NOBOX: variants seen among roughly 807,000 people sequenced by gnomAD.
NOBOX encodes NOBOX oogenesis homeobox, also known as homeobox protein NOBOX.
Under a neutral mutation model 60.2 loss-of-function variants are expected in NOBOX, and 46 were observed. That is an observed-to-expected ratio of 0.76 (90% CI 0.60 to 0.98). The LOEUF is 0.98. Ranked by LOEUF, NOBOX falls within the 50% of genes least tolerant of loss-of-function variation. The pLI is 0.00. For synonymous variants in NOBOX, 360 were observed against 346.3 expected (o/e 1.04, Z -0.44); for missense variants, 880 against 865.5 (o/e 1.02, Z -0.21).
chr7:144,402,589 T>G (rs1266246372), intron 2 of NOBOX, among the ~76,000 whole-genome samples: 1 of 151,966 alleles, frequency 6.6e-6, no homozygotes, highest in Non-Finnish European at 1.5e-5. Flanking sequence ...TCCCCCCACT[T>G]TCACCTCCCA....
rs773878182 is a variant in NOBOX, at chr7:144,397,391, G to C, written c.1925C>G (p.Ser642Trp). Residue 642 changes from serine to tryptophan, a missense_variant, in exon 10 of 10, where the codon TCG (serine) becomes TGG (tryptophan). Transcript: ENST00000467773. The stretch of plus-strand genomic sequence containing the variant: ...TTCAGGCATCCATGAGAGAGCTGAC[G>C]AAGGCTGCCTGCCCAGAGCCTGGGG... 6.5e-7 allele frequency: 1 copy of C among 1,537,146 alleles called. No individual in the cohort carries two copies. Among genetic ancestry groups the C allele is most frequent in the African/African-American group, 1.4e-5 (1 of 73,040 alleles).
chr7:144,403,049 G>A (rs557884970), intron 2 of NOBOX, among the ~76,000 whole-genome samples: 1 of 152,248 alleles, frequency 6.6e-6, no homozygotes, highest in Non-Finnish European at 1.5e-5. Flanking sequence ...GAGCCACTGC[G>A]CCTGACCCTA....
rs528754192 is a variant in NOBOX, at chr7:144,401,540, C to T, written c.350G>A (p.Arg117Gln). The T allele has an allele frequency of 1.6e-5, 24 of 1,514,642 alleles. No homozygotes were observed. The East Asian group carries it at 2.7e-4, about 17-fold the overall frequency. The allele number at this position is 1,514,642 out of a possible 1,614,324, so 93.8% of individuals were successfully genotyped here. The change falls in exon 4 of 10, where the codon CGG (arginine) becomes CAG (glutamine). Residue 117 changes from arginine to glutamine, a missense_variant. Arg to Gln is a conservative substitution (Grantham distance 43). Coordinates refer to ENST00000467773, the MANE Select transcript of NOBOX (RefSeq NM_001080413.3). The surrounding 1 kb of genome is among the most constrained non-coding windows in gnomAD (Gnocchi z 4.2). ...GTCCTGAGCATGAGGGGCTGAGCCC[C>T]GGAGCAGTTCCTCCTCCCCGGGTCC...
chr7:144,402,001 T>G, intron 2 of NOBOX: 1 of 1,379,548 alleles, frequency 7.2e-7, no homozygotes, highest in Non-Finnish European at 1.0e-6. Flanking sequence ...GAGATTCTGC[T>G]TCTCCCAAGG....
chr7:144,407,166 A>AT (rs1400501005), intron 1 of NOBOX, among the ~76,000 whole-genome samples: 3 of 151,932 alleles, frequency 2.0e-5, no homozygotes, highest in Non-Finnish European at 4.4e-5. Context: ...AAAGTAGTTA[A>AT]TTTTTTTCAG....
At chr7:144,408,992 G>A (rs985367047) in intron 1 of NOBOX, among the ~76,000 whole-genome samples, 6 of 152,134 alleles carry the variant, frequency 3.9e-5, no homozygotes, top group African/African-American at 1.4e-4. Flanking sequence ...TATTGTACTG[G>A]CGTGACAGAA....
At chr7:144,397,858 T>G (rs1206157112) in intron 9 of NOBOX, among the ~76,000 whole-genome samples, 2 of 152,158 alleles carry the variant, frequency 1.3e-5, no homozygotes, top group Non-Finnish European at 2.9e-5. Context: ...AGTCTTAATA[T>G]GACAGATGTT....
chr7:144,405,856 G>A (rs923760040), intron 1 of NOBOX, among the ~76,000 whole-genome samples: 3 of 152,112 alleles, frequency 2.0e-5, no homozygotes, highest in African/African-American at 7.2e-5. Flanking sequence ...AATCCCCTCA[G>A]GTAATTTTTG....
At chr7:144,399,567 C>T (rs2053921256) in intron 6 of NOBOX, 85 bp from the exon 5 acceptor site, 2 of 1,242,554 alleles carry the variant, frequency 1.6e-6, no homozygotes, top group Non-Finnish European at 2.3e-6. Context: ...ACACCAATTC[C>T]CAAACTCTGC....
At chr7:144,403,308 G>A (rs935925473) in intron 2 of NOBOX, among the ~76,000 whole-genome samples, 1 of 152,090 alleles carries the variant, frequency 6.6e-6, no homozygotes, top group Non-Finnish European at 1.5e-5. Flanking sequence ...CAGCACTGTG[G>A]GTGCTCCGTA....
chr7:144,400,100 C>G, intron 5 of NOBOX, 106 bp downstream of exon 3: 5 of 1,610,426 alleles, frequency 3.1e-6, no homozygotes, highest in Non-Finnish European at 4.2e-6. Context: ...GGCCTCAATT[C>G]AGCTCCTACC....
Position 144,403,602 on chromosome 7 carries a change from C to G in NOBOX, c.210+954G>C, listed in dbSNP as rs538170826. The G allele has an allele frequency of 3.9e-4, 267 of 682,374 alleles. 3 individuals are homozygous for G. The highest frequency in any genetic ancestry group is 3.3e-3 in the South Asian group (223 of 66,832). The allele number at this position is 682,374 out of a possible 1,614,324, so 42.3% of individuals were successfully genotyped here. On this transcript the variant is annotated intron_variant, in intron 2 of 9. Transcript: ENST00000467773. ...GACCTGGTGATCACAGGCCTCCCCC[C>G]CTCCCCGAACCCCCAAAGCCTGACC...
chr7:144,408,387 A>G (rs1303581069), intron 1 of NOBOX, among the ~76,000 whole-genome samples: 1 of 152,090 alleles, frequency 6.6e-6, no homozygotes, highest in African/African-American at 2.4e-5. Flanking sequence ...TTACATGTAT[A>G]TTACATCACT....
intron 2 of NOBOX, chr7:144,404,495 C>G (rs2053969881): frequency 6.9e-7 from 1 of 1,451,046 alleles, no homozygotes. Context: ...GTTATCTGCC[C>G]GCCTGGGCTT....
intron 1 of NOBOX, among the ~76,000 whole-genome samples, chr7:144,405,405 A>G (rs1208167): frequency 0.57 from 86,710 of 151,942 alleles, 25,183 homozygotes; most frequent in South Asian, 0.83. Context: ...TGGTGGAGGG[A>G]AGATCATCAA....
chr7:144,400,771 C>T (rs1181367576), intron 4 of NOBOX, among the ~76,000 whole-genome samples: 1 of 152,222 alleles, frequency 6.6e-6, no homozygotes, highest in African/African-American at 2.4e-5. Context: ...CTCCTGACTT[C>T]AGGTAATCCA....
chr7:144,397,558 T>C lies in NOBOX; in HGVS notation c.1775-17A>G, dbSNP rs1260912651. On this transcript the variant is annotated splice_polypyrimidine_tract_variant and intron_variant, in intron 9 of 9. Coordinates refer to ENST00000467773, the MANE Select transcript of NOBOX (RefSeq NM_001080413.3). ...AGGCTGTACCTGTGGGGTCGGAGGGTGTAGGAATTACCAGACAGGATGGAG... is the reference window on the plus strand; with the variant it reads ...AGGCTGTACCTGTGGGGTCGGAGGGCGTAGGAATTACCAGACAGGATGGAG... 4 of 1,497,508 alleles carry C rather than the reference T, an allele frequency of 2.7e-6. No homozygotes were observed. Among genetic ancestry groups the C allele is most frequent in the Middle Eastern group, 3.5e-4 (2 of 5,760 alleles). 92.8% of individuals were successfully genotyped at this position (1,497,508 alleles called of 1,614,324 possible).
At chr7:144,399,974 C>G (rs2128861412) in intron 5 of NOBOX, 111 bp from the exon 4 acceptor site, 2 of 1,279,078 alleles carry the variant, frequency 1.6e-6, no homozygotes, top group South Asian at 1.4e-5. Flanking sequence ...CTCCAGCACT[C>G]TGCTTCTGAG....
In NOBOX at chr7:144,399,084, G is replaced by A. The variant is rs2053916993; in HGVS notation, c.1335C>T (p.Pro445=). The change falls in exon 8 of 10, where the codon CCC becomes CCT. Residue 445 remains proline (P), a synonymous_variant. Coordinates refer to ENST00000467773, the MANE Select transcript of NOBOX (RefSeq NM_001080413.3). Reference sequence around the variant, plus strand: ...GAAGATCGGCCCTTCGCACAGGTGGGGGGCTGAAGAGTGGGGGGGTCACCA... The same window carrying A: ...GAAGATCGGCCCTTCGCACAGGTGGAGGGCTGAAGAGTGGGGGGGTCACCA... 4 of 1,210,528 alleles carry A rather than the reference G, an allele frequency of 3.3e-6. No individual in the cohort carries two copies. Among genetic ancestry groups the A allele is most frequent in the South Asian group, 1.2e-5 (1 of 81,706 alleles). 75.0% of individuals were successfully genotyped at this position (1,210,528 alleles called of 1,614,324 possible). A position where few individuals can be genotyped will look rare whatever the true frequency, so the allele number is the denominator to read the frequency against.
Sources: gnomAD v4.1 joint callset for allele counts (sites outside exome capture counted in the v4.1 genomes callset) on GRCh38, gnomAD v4.1.1 for gene constraint, Gnocchi (gnomAD v3.1) non-coding constraint, MANE v1.5 for transcripts, NCBI Gene and HGNC (gene_info 2026-07-23, HGNC 2026-07-21) for gene names.